Variants in ATF2 observed in about 807,000 individuals in gnomAD.
ATF2 encodes activating transcription factor 2, also known as cyclic AMP-dependent transcription factor ATF-2.
In ATF2, 24 loss-of-function variants were observed where a neutral mutation model predicts 60.6. That is an observed-to-expected ratio of 0.40 (90% CI 0.29 to 0.56). The LOEUF is 0.56. Ranked by LOEUF, ATF2 falls within the 20% of genes least tolerant of loss-of-function variation. ATF2 has a pLI of 0.54. For synonymous variants in ATF2, 206 were observed against 215.4 expected (o/e 0.96, Z 0.38); for missense variants, 433 against 607.7 (o/e 0.71, Z 3.02).
At chr2:175,091,955 T>G (rs997105034) in intron 12 of ATF2, among the ~76,000 whole-genome samples, 1 of 152,216 alleles carries the variant, frequency 6.6e-6, no homozygotes, top group Admixed American at 6.5e-5. Flanking sequence ...GTCTATGTGA[T>G]GTGGTAAGTT....
In ATF2 at chr2:175,136,457, TATCAC is replaced by T. The variant is rs1559102453; in HGVS notation, c.-19_-15del. On this transcript the variant is annotated 5_prime_UTR_variant, in exon 3 of 14. The change abolishes an upstream ATG in the 5' untranslated region. Coordinates refer to ENST00000264110, the MANE Select transcript of ATF2 (RefSeq NM_001880.4). ...CTTGAATTTCATAAGTTGAATAACTTATCACATTCTTTTTCTCATGGCAAGAATAC... is the reference window on the plus strand; with the variant it reads ...CTTGAATTTCATAAGTTGAATAACTTATTCTTTTTCTCATGGCAAGAATAC... The T allele has an allele frequency of 4.4e-6, 7 of 1,608,160 alleles. No homozygotes were observed. The highest frequency in any genetic ancestry group is 6.0e-6 in the Non-Finnish European group (7 of 1,176,402).
At chr2:175,098,891 A>G (rs1290951651) in intron 10 of ATF2, among the ~76,000 whole-genome samples, 1 of 152,200 alleles carries the variant, frequency 6.6e-6, no homozygotes, top group Non-Finnish European at 1.5e-5. Context: ...TAAAAACTGA[A>G]GCATATATGA....
At chr2:175,142,720 A>AGAGAGAGAGAGTGT (rs1491359659) in intron 2 of ATF2, among the ~76,000 whole-genome samples, 4 of 71,098 alleles carry the variant, frequency 5.6e-5, no homozygotes, top group African/African-American at 1.9e-4. Context: ...AGAGAGAGAG[A>AGAGAGAGAGAGTGT]GTGTGTGTGT....
intron 10 of ATF2, among the ~76,000 whole-genome samples, chr2:175,107,920 C>T (rs1246976099): frequency 6.6e-6 from 1 of 152,204 alleles, no homozygotes; most frequent in Non-Finnish European, 1.5e-5. Context: ...CTCGCTACAA[C>T]CTCCACCTCC....
chr2:175,136,942 T>TC (rs35138329), intron 2 of ATF2, among the ~76,000 whole-genome samples: 39,551 of 151,734 alleles, frequency 0.26, 6,073 homozygotes, highest in African/African-American at 0.44. Context: ...TATAAACAGC[T>TC]CCAATTGTAT....
At chr2:175,164,310 G>C (rs1174603476) in intron 1 of ATF2, among the ~76,000 whole-genome samples, 1 of 152,010 alleles carries the variant, frequency 6.6e-6, no homozygotes, top group South Asian at 2.1e-4. Flanking sequence ...AAGGCGAGTG[G>C]ATCACTCGAG....
intron 10 of ATF2, among the ~76,000 whole-genome samples, chr2:175,104,314 A>AT (rs781214336): frequency 5.3e-5 from 8 of 152,196 alleles, no homozygotes; most frequent in Non-Finnish European, 1.0e-4. Context: ...TTATTAACAG[A>AT]TTGTGATCAT....
intron 10 of ATF2, among the ~76,000 whole-genome samples, chr2:175,110,210 C>T (rs1696075407): frequency 6.6e-6 from 1 of 152,130 alleles, no homozygotes; most frequent in African/African-American, 2.4e-5. Context: ...TGGTGCACAC[C>T]TGTAATCCCA....
At chr2:175,154,230 A>ATAT (rs1553515941) in intron 1 of ATF2, among the ~76,000 whole-genome samples, 31 of 145,546 alleles carry the variant, frequency 2.1e-4, no homozygotes, top group African/African-American at 7.2e-4. Flanking sequence ...GAAAAGAAAA[A>ATAT]AAAAATATAT....
At chr2:175,101,414 C>G (rs971244776) in intron 10 of ATF2, among the ~76,000 whole-genome samples, 1 of 151,916 alleles carries the variant, frequency 6.6e-6, no homozygotes, top group Non-Finnish European at 1.5e-5. Context: ...ATGACTAGTA[C>G]CCAGTCTATA....
intron 1 of ATF2, among the ~76,000 whole-genome samples, chr2:175,155,864 A>T (rs972722831): frequency 1.3e-5 from 2 of 152,210 alleles, no homozygotes; most frequent in African/African-American, 4.8e-5. Flanking sequence ...AAAAAACAGA[A>T]ATTATATTTT....
At chr2:175,097,657 A>G in intron 10 of ATF2, 64 bp from the exon 11 acceptor site, 2 of 1,562,512 alleles carry the variant, frequency 1.3e-6, no homozygotes, top group South Asian at 2.3e-5. Context: ...AATATCAACA[A>G]GACAAACAAT....
intron 1 of ATF2, among the ~76,000 whole-genome samples, chr2:175,167,402 GT>G (rs1192764371): frequency 6.6e-6 from 1 of 152,002 alleles, no homozygotes. Context: ...AAAGCTGGGG[GT>G]AGCGGGATTG....
intron 10 of ATF2, among the ~76,000 whole-genome samples, chr2:175,106,251 C>T (rs1372773611): frequency 6.6e-6 from 1 of 152,202 alleles, no homozygotes. Context: ...GAATTCCAGG[C>T]TGAGTGCAGT....
At chr2:175,114,916 A>G in intron 7 of ATF2, 48 bp from the exon 8 acceptor site, 1 of 1,580,448 alleles carries the variant, frequency 6.3e-7, no homozygotes, top group Non-Finnish European at 8.7e-7. Flanking sequence ...AATACAAATC[A>G]TGTACCTTAG....
chr2:175,107,214 AT>A lies in ATF2; in HGVS notation c.828+4353del, dbSNP rs1349169917. Among the ~76,000 whole-genome samples the A allele has an allele frequency of 2.0e-5, 3 of 152,190 alleles. No individual in the cohort carries two copies. The East Asian group carries it at 5.8e-4, about 29-fold the overall frequency. ...ATGCCTGGCCAAAAAGGAAATGGAA[AT>A]TAAAATTATGAGACACTGCTAAACA... On this transcript the variant is annotated intron_variant, in intron 10 of 13. Transcript: ENST00000264110.
intron 4 of ATF2, among the ~76,000 whole-genome samples, chr2:175,124,868 C>A (rs114843894): frequency 6.6e-6 from 1 of 151,974 alleles, no homozygotes; most frequent in Non-Finnish European, 1.5e-5. Flanking sequence ...GAATCTTTCA[C>A]CAAATTATCT....
chr2:175,143,922 T>C (rs1246942580), intron 2 of ATF2, among the ~76,000 whole-genome samples: 3 of 152,028 alleles, frequency 2.0e-5, no homozygotes, highest in East Asian at 1.9e-4. Flanking sequence ...GCCTCGCAAA[T>C]AGCTGGAACC....
chr2:175,126,416 G>A (rs1444043929), intron 4 of ATF2, among the ~76,000 whole-genome samples: 2 of 152,024 alleles, frequency 1.3e-5, no homozygotes, highest in Non-Finnish European at 2.9e-5. Flanking sequence ...TACAAACCTC[G>A]ACAATGGAAA....
Sources: gnomAD v4.1 joint callset for allele counts (sites outside exome capture counted in the v4.1 genomes callset) on GRCh38, gnomAD v4.1.1 for gene constraint, MANE v1.5 for transcripts, NCBI Gene and HGNC (gene_info 2026-07-23, HGNC 2026-07-21) for gene names.